RYR1: variants seen among roughly 807,000 people sequenced by gnomAD.
The protein encoded by RYR1 is ryanodine receptor 1.
A neutral mutation model predicts 583.5 loss-of-function variants in RYR1; 342 were observed. The ratio of observed to expected loss-of-function variants is 0.59; its 90% CI spans 0.54 to 0.64. RYR1 has a LOEUF of 0.64. RYR1 is among the 30% of genes least tolerant of loss of function. The pLI is 0.00. For synonymous variants in RYR1, 2,791 were observed against 2,822.5 expected, an observed-to-expected ratio of 0.99 and a Z score of 0.35; for missense variants, 6,032 against 6,917.2, an observed-to-expected ratio of 0.87 and a Z score of 4.54.
chr19:38,475,244 G>A lies in RYR1; in HGVS notation c.4161-74G>A, dbSNP rs112210268. On this transcript the variant is annotated intron_variant, in intron 28 of 105. Transcript: ENST00000359596. Reference sequence around the variant, plus strand: ...AGCAGGGTGTATCCAAGCTGGATGTGGGGGCATGAATATTGCGGTGGGAGG... The same window carrying A: ...AGCAGGGTGTATCCAAGCTGGATGTAGGGGCATGAATATTGCGGTGGGAGG... The A allele has an allele frequency of 2.2e-5, 34 of 1,541,868 alleles. No homozygotes were observed. In the African/African-American group the frequency reaches 4.3e-4, roughly 19 times the overall value.
chr19:38,467,421 A>G (rs918207702), intron 24 of RYR1, among the ~76,000 whole-genome samples, 189 bp from the exon 25 acceptor site: 1 of 152,040 alleles, frequency 6.6e-6, no homozygotes, highest in African/African-American at 2.4e-5. Context: ...GTCTCTCTCA[A>G]CAGGTCCCTG....
intron 73 of RYR1, chr19:38,528,095 T>C (rs1458870079): frequency 4.7e-6 from 3 of 639,994 alleles, no homozygotes; most frequent in African/African-American, 3.6e-5. Context: ...TGGCTCGTGG[T>C]CCTGGCTCTG....
chr19:38,492,446 G>A, intron 37 of RYR1, 44 bp from the exon 38 acceptor site: 1 of 1,610,640 alleles, frequency 6.2e-7, no homozygotes. Flanking sequence ...AGGTGAATAA[G>A]CAAACTAATG....
rs1973107752 is a variant in RYR1, at chr19:38,561,029, A to G, written c.12283-84A>G. 7.7e-7 allele frequency: 1 copy of G among 1,295,616 alleles called. No individual in the cohort carries two copies. The highest frequency in any genetic ancestry group is 1.1e-6 in the Non-Finnish European group (1 of 921,722). 80.3% of individuals were successfully genotyped at this position (1,295,616 alleles called of 1,614,324 possible). ...GCACTCCAGCCTGGGCGACACAGCG[A>G]GACCTTGTCTTAAAAAAAAAAAAAA... On this transcript the variant is annotated intron_variant, in intron 89 of 105. Transcript: ENST00000359596. This position sits in a 1 kb window ranked among gnomAD's most constrained non-coding sequence, Gnocchi z 4.8.
At chr19:38,550,185 C>A (rs1389865749) in intron 89 of RYR1, among the ~76,000 whole-genome samples, 2 of 152,102 alleles carry the variant, frequency 1.3e-5, no homozygotes, top group Non-Finnish European at 2.9e-5. Flanking sequence ...TAATCCTAGA[C>A]CTTATTCAGT....
In RYR1 at chr19:38,475,396, C is replaced by T. The variant is rs761036743; in HGVS notation, c.4239C>T (p.Asp1413=). The part of the protein sequence containing the change: ...ATPTLPRLPH[D]VVPADNRDDP... ...CCACGCTGCCCCGACTCCCTCACGA[C>T]GTGGTGCCTGCAGACAACCGCGATG... Residue 1413 remains aspartate, a synonymous_variant, in exon 29 of 106, where the codon GAC becomes GAT. Transcript: ENST00000359596. 2.7e-5 allele frequency: 43 copies of T among 1,614,062 alleles called. No homozygotes were observed. Among genetic ancestry groups the T allele is most frequent in the East Asian group, 1.1e-4 (5 of 44,882 alleles).
In RYR1 at chr19:38,536,743, G is replaced by T. The variant is rs1398522890; in HGVS notation, c.11591-7G>T. ...GCTTCCTCCTCCCATCCTGTTGGCT[G>T]CCCCAGTCATCAATCGCCAGAACGG... On this transcript the variant is annotated splice_polypyrimidine_tract_variant and splice_region_variant and intron_variant, in intron 82 of 105. Coordinates refer to ENST00000359596, the MANE Select transcript of RYR1 (RefSeq NM_000540.3). 2.5e-6 allele frequency: 4 copies of T among 1,613,568 alleles called. No homozygotes were observed. Among genetic ancestry groups the T allele is most frequent in the Non-Finnish European group, 2.5e-6 (3 of 1,179,926 alleles).
chr19:38,486,312 T>G, intron 34 of RYR1, 110 bp downstream of exon 34: 2 of 1,281,878 alleles, frequency 1.6e-6, no homozygotes, highest in Non-Finnish European at 2.3e-6. Context: ...CACCCATTCA[T>G]TCCCTCCTCT....
intron 84 of RYR1, among the ~76,000 whole-genome samples, chr19:38,540,100 AGGGGAAAGAAAAAC>A: frequency 6.6e-6 from 1 of 152,154 alleles, no homozygotes; most frequent in East Asian, 1.9e-4. Flanking sequence ...AAAAAAGTTA[AGGGGAAAGAAAAAC>A]GGGGGGCAAA....
intron 76 of RYR1, among the ~76,000 whole-genome samples, chr19:38,529,385 C>T (rs375495316): frequency 3.3e-5 from 5 of 152,142 alleles, no homozygotes; most frequent in Non-Finnish European, 1.5e-5. Context: ...GAGGCTGAGG[C>T]GGAAGAATCG....
chr19:38,490,182 G>A lies in RYR1; in HGVS notation c.5921G>A (p.Arg1974Gln), dbSNP rs748907487. ...RYVDKLQANQ[R>Q]SRYGLLIKAF... The stretch of plus-strand genomic sequence containing the variant: ...GTGGACAAGCTCCAGGCCAACCAGC[G>A]GAGCCGCTATGGCCTCCTCATAAAA... Residue 1974 changes from arginine (R) to glutamine (Q), a missense_variant, in exon 36 of 106, where the codon CGG (arginine) becomes CAG (glutamine). Physicochemically the swap from Arg to Gln is conservative, Grantham distance 43 (BLOSUM62 1). Transcript: ENST00000359596. 80 of 1,614,114 alleles carry A rather than the reference G, an allele frequency of 5.0e-5. No individual in the cohort carries two copies. Among genetic ancestry groups the A allele is most frequent in the South Asian group, 1.1e-4 (10 of 91,096 alleles).
chr19:38,565,413 G>C lies in RYR1; in HGVS notation c.13079G>C (p.Gly4360Ala), dbSNP rs1472703471. 1 of 1,482,234 alleles carries C rather than the reference G, an allele frequency of 6.7e-7. No individual in the cohort carries two copies. The highest frequency in any genetic ancestry group is 8.9e-7 in the Non-Finnish European group (1 of 1,123,024). 91.8% of individuals were successfully genotyped at this position (1,482,234 alleles called of 1,614,324 possible). ...AAAGALGLLW[G>A]SLFGGGLVEG... The stretch of plus-strand genomic sequence containing the variant: ...GCGGGCGCGCTGGGCCTGCTCTGGG[G>C]CTCGCTGTTCGGCGGCGGCCTGGTG... Residue 4360 changes from glycine (G) to alanine (A), a missense_variant, in exon 91 of 106, where the codon GGC (glycine) becomes GCC (alanine). Physicochemically the swap from Gly to Ala is moderately conservative, Grantham distance 60 (BLOSUM62 0). This residue lies in a region of RYR1 where 753 missense variants were observed against 759.6 expected (regional missense o/e 0.99). Transcript: ENST00000359596. The surrounding 1 kb of genome is among the most constrained non-coding windows in gnomAD (Gnocchi z 4.7).
At chr19:38,526,806 C>T in intron 71 of RYR1, 187 bp from the exon 72 acceptor site, 1 of 606,082 alleles carries the variant, frequency 1.6e-6, no homozygotes, top group Non-Finnish European at 3.0e-6. Context: ...CTCTGTGACC[C>T]TCCGGCCCCT....
chr19:38,506,352 C>T lies in RYR1; in HGVS notation c.8591C>T (p.Ala2864Val), dbSNP rs748187342. 1 of 1,613,800 alleles carries T rather than the reference C, an allele frequency of 6.2e-7. No homozygotes were observed. Among genetic ancestry groups the T allele is most frequent in the South Asian group, 1.1e-5 (1 of 91,070 alleles). ...AACCCTCAGCCCCCCGACCTTAGTG[C>T]TGTTACCCTGTCCCGGGAGCTGCAG... ...GYNPQPPDLSAVTLSRELQAM... is the reference protein window; with the variant it reads ...GYNPQPPDLSVVTLSRELQAM... The change falls in exon 55 of 106, where the codon GCT (alanine) becomes GTT (valine). Residue 2864 changes from alanine to valine, a missense_variant. By Grantham distance (64) the Ala-to-Val change is moderately conservative. Around this residue, in one of 11 missense-constraint regions of RYR1, gnomAD observed 1,493 missense variants for 1,715.5 expected, o/e 0.87. Transcript: ENST00000359596.
chr19:38,543,936 C>T lies in RYR1; in HGVS notation c.12012+61C>T, dbSNP rs1972315144. On this transcript the variant is annotated intron_variant, in intron 87 of 105. Transcript: ENST00000359596. This position sits in a 1 kb window ranked among gnomAD's most constrained non-coding sequence, Gnocchi z 4.4. ...GGGCGTCCCCCAAGTGGTCCATTTCCAAGTCTTGCCCCTTTGGTCAGTTTG... is the reference window on the plus strand; with the variant it reads ...GGGCGTCCCCCAAGTGGTCCATTTCTAAGTCTTGCCCCTTTGGTCAGTTTG... 6.6e-7 allele frequency: 1 copy of T among 1,505,242 alleles called. No individual in the cohort carries two copies. The highest frequency in any genetic ancestry group is 1.8e-5 in the Admixed American group (1 of 54,412). The allele number at this position is 1,505,242 out of a possible 1,614,324, so 93.2% of individuals were successfully genotyped here. A position where few individuals can be genotyped will look rare whatever the true frequency, so the allele number is the denominator to read the frequency against.
At chr19:38,556,025 G>A (rs937293136) in intron 89 of RYR1, among the ~76,000 whole-genome samples, 1 of 151,912 alleles carries the variant, frequency 6.6e-6, no homozygotes, top group Admixed American at 6.6e-5. Context: ...CACCACACCT[G>A]GCTAATTTTT....
At chr19:38,525,600 C>T in intron 71 of RYR1, 98 bp downstream of exon 71, 2 of 1,328,864 alleles carry the variant, frequency 1.5e-6, no homozygotes, top group Non-Finnish European at 2.1e-6. Context: ...CCACTGAGCC[C>T]CCCAGGTCCC....
Position 38,543,920 on chromosome 19 carries a change from C to A in RYR1, c.12012+45C>A, listed in dbSNP as rs748146777. On this transcript the variant is annotated intron_variant, in intron 87 of 105. Transcript: ENST00000359596. The surrounding 1 kb of genome is among the most constrained non-coding windows in gnomAD (Gnocchi z 4.4). Reference sequence around the variant, plus strand: ...CCATCCACCTGCTTCCGGGCGTCCCCCAAGTGGTCCATTTCCAAGTCTTGC... The same window carrying A: ...CCATCCACCTGCTTCCGGGCGTCCCACAAGTGGTCCATTTCCAAGTCTTGC... The A allele has an allele frequency of 2.6e-6, 4 of 1,563,814 alleles. No homozygotes were observed. Among genetic ancestry groups the A allele is most frequent in the Admixed American group, 1.8e-5 (1 of 56,636 alleles).
In RYR1 at chr19:38,499,038, G is replaced by GGCAGA; in HGVS notation, c.6892-68_6892-64dup. 1 of 1,583,770 alleles carries GGCAGA rather than the reference G, an allele frequency of 6.3e-7. No homozygotes were observed. The stretch of plus-strand genomic sequence containing the variant: ...GGAGCCGCAGGGCAGGGCAGGGCAG[G>GGCAGA]GCAGAGGGCTGAGCCCCAGGAGGAA... On this transcript the variant is annotated intron_variant, in intron 42 of 105. Transcript: ENST00000359596. The surrounding 1 kb of genome is among the most constrained non-coding windows in gnomAD (Gnocchi z 7.3).
Sources: gnomAD v4.1 joint callset for allele counts (sites outside exome capture counted in the v4.1 genomes callset) on GRCh38, gnomAD v4.1.1 for gene constraint, gnomAD v4.1.1 regional missense constraint, Gnocchi (gnomAD v3.1) non-coding constraint, MANE v1.5 for transcripts, NCBI Gene and HGNC (gene_info 2026-07-23, HGNC 2026-07-21) for gene names.